Variants in MANBAL observed in about 807,000 individuals in gnomAD.
MANBAL encodes mannosidase beta like.
A neutral mutation model predicts 6.4 loss-of-function variants in MANBAL; 1 was observed. The ratio of observed to expected loss-of-function variants is 0.16; its 90% confidence interval spans 0.06 to 0.74. The LOEUF (loss-of-function observed/expected upper bound fraction) is 0.74. Ranked by LOEUF, MANBAL falls within the 30% of genes least tolerant of loss-of-function variation. The probability of loss-of-function intolerance (pLI) is 0.78; values close to 1 mark genes in which losing one functional copy is unlikely to be tolerated. For missense variants in MANBAL, 100 were observed against 107.8 expected, an observed-to-expected ratio of 0.93 and a Z score of 0.32; for synonymous variants, 47 against 45.8, an observed-to-expected ratio of 1.03 and a Z score of -0.10.
chr20:37,311,350 G>A (rs1365376641), intron 2 of MANBAL, among the ~76,000 whole-genome samples: 2 of 152,244 alleles, frequency 1.3e-5, no homozygotes, highest in African/African-American at 2.4e-5. Context: ...GGCCAAGACC[G>A]AGCAAGAGGC....
chr20:37,305,605 T>C (rs1037680609), intron 2 of MANBAL, among the ~76,000 whole-genome samples: 4 of 152,332 alleles, frequency 2.6e-5, no homozygotes, highest in Non-Finnish European at 5.9e-5. Flanking sequence ...TCTCTCATTT[T>C]TATTAATCTT....
At chr20:37,306,084 G>A (rs556920241) in intron 2 of MANBAL, among the ~76,000 whole-genome samples, 1 of 152,190 alleles carries the variant, frequency 6.6e-6, no homozygotes, top group Admixed American at 6.5e-5. Flanking sequence ...GGGCAGTTGG[G>A]AGATACCTGG....
rs2069523183 is a variant in MANBAL at position 37,316,481 on chromosome 20, A to G, written c.*66A>G. ...TTGGGGACAGCCCTCCTGGGAATCT[A>G]CATTGTGTTCCCCCGCATTCCAGGC... On this transcript the variant is annotated 3_prime_UTR_variant, in exon 3 of 3. Coordinates refer to ENST00000373606, the MANE Select transcript of MANBAL (RefSeq NM_001003897.2). 7.1e-7 allele frequency: 1 copy of G among 1,408,774 alleles called. No homozygotes were observed. The highest frequency in any genetic ancestry group is 1.2e-5 in the South Asian group (1 of 82,448). 87.3% of individuals were successfully genotyped at this position (1,408,774 alleles called of 1,614,324 possible).
chr20:37,304,629 A>T (rs1039110668), intron 2 of MANBAL, among the ~76,000 whole-genome samples: 1 of 152,196 alleles, frequency 6.6e-6, no homozygotes, highest in Non-Finnish European at 1.5e-5. Flanking sequence ...TATATCTTGG[A>T]TATCACTGTT....
Position 37,301,244 on chromosome 20 carries a change from G to A in MANBAL, c.-20G>A, listed in dbSNP as rs771132881. The A allele has an allele frequency of 6.3e-7, 1 of 1,575,794 alleles. No homozygotes were observed. Among genetic ancestry groups the A allele is most frequent in the Non-Finnish European group, 8.6e-7 (1 of 1,158,010 alleles). On this transcript the variant is annotated 5_prime_UTR_variant, in exon 2 of 3. Coordinates refer to ENST00000373606, the MANE Select transcript of MANBAL (RefSeq NM_001003897.2). ...GAGTGGTGAGTCAGAAGAGACGTCA[G>A]GCAGCAAGCGACTTGGGCCATGGCC...
chr20:37,298,137 G>A (rs1044879850), intron 1 of MANBAL, among the ~76,000 whole-genome samples: 1 of 152,172 alleles, frequency 6.6e-6, no homozygotes, highest in Non-Finnish European at 1.5e-5. Flanking sequence ...AGTGAGTTAT[G>A]TTTGTGCCAT....
In MANBAL at chr20:37,301,239, C is replaced by T. The variant is rs1330999324; in HGVS notation, c.-25C>T. 3.2e-6 allele frequency: 5 copies of T among 1,563,716 alleles called. No individual in the cohort carries two copies. The highest frequency in any genetic ancestry group is 4.3e-6 in the Non-Finnish European group (5 of 1,150,974). On this transcript the variant is annotated 5_prime_UTR_variant, in exon 2 of 3. The change creates a new upstream start codon in the 5' untranslated region. Coordinates refer to ENST00000373606, the MANE Select transcript of MANBAL (RefSeq NM_001003897.2). ...CTAAAGAGTGGTGAGTCAGAAGAGACGTCAGGCAGCAAGCGACTTGGGCCA... is the reference window on the plus strand; with the variant it reads ...CTAAAGAGTGGTGAGTCAGAAGAGATGTCAGGCAGCAAGCGACTTGGGCCA...
chr20:37,298,454 A>G (rs1297459637), intron 1 of MANBAL, among the ~76,000 whole-genome samples: 1 of 152,056 alleles, frequency 6.6e-6, no homozygotes, highest in African/African-American at 2.4e-5. Context: ...GAATTTGCCT[A>G]TTCCAGGTAC....
intron 1 of MANBAL, among the ~76,000 whole-genome samples, chr20:37,292,834 A>G (rs1429165141): frequency 6.6e-6 from 1 of 152,202 alleles, no homozygotes; most frequent in Non-Finnish European, 1.5e-5. Context: ...TCCTAGAATT[A>G]GCCATTTCCC....
chr20:37,297,374 G>C (rs1448013039), intron 1 of MANBAL: 1 of 152,148 alleles, frequency 6.6e-6, no homozygotes, highest in African/African-American at 2.4e-5. Flanking sequence ...GGAGGATGAA[G>C]ATCTGCCAGC....
chr20:37,306,031 C>A (rs774529125), intron 2 of MANBAL, among the ~76,000 whole-genome samples: 1 of 151,904 alleles, frequency 6.6e-6, no homozygotes, highest in Non-Finnish European at 1.5e-5. Flanking sequence ...AGAAAGGGAG[C>A]CCATGGGAGT....
At chr20:37,304,282 A>T (rs893208508) in intron 2 of MANBAL, among the ~76,000 whole-genome samples, 17 of 152,182 alleles carry the variant, frequency 1.1e-4, no homozygotes, top group African/African-American at 4.1e-4. Flanking sequence ...AGAGATTTTT[A>T]AAATTTTGAT....
intron 2 of MANBAL, among the ~76,000 whole-genome samples, chr20:37,312,071 C>T (rs935530971): frequency 1.3e-5 from 2 of 152,040 alleles, no homozygotes; most frequent in Non-Finnish European, 2.9e-5. Flanking sequence ...GGGTGCGTGA[C>T]GGCTCTAAAA....
intron 2 of MANBAL, among the ~76,000 whole-genome samples, chr20:37,309,947 A>G (rs1407547209): frequency 6.6e-6 from 1 of 152,074 alleles, no homozygotes; most frequent in Admixed American, 6.5e-5. Context: ...GCTGTTTTTT[A>G]CTTAATGACC....
chr20:37,303,258 T>C lies in MANBAL; in HGVS notation c.150+1845T>C, dbSNP rs993793354. ...CTGCCCCAGTCTTGGAATCAGTCATTTCTCTAAAATGCTCTGGTTCTTTTT... is the reference window on the plus strand; with the variant it reads ...CTGCCCCAGTCTTGGAATCAGTCATCTCTCTAAAATGCTCTGGTTCTTTTT... On this transcript the variant is annotated intron_variant, in intron 2 of 2. Coordinates refer to ENST00000373606, the MANE Select transcript of MANBAL (RefSeq NM_001003897.2). 2.6e-5 allele frequency among the ~76,000 whole-genome samples: 4 copies of C among 152,212 alleles called. No homozygotes were observed. In the East Asian group the frequency reaches 7.7e-4, roughly 29 times the overall value.
At chr20:37,299,467 G>A (rs6104476) in intron 1 of MANBAL, among the ~76,000 whole-genome samples, 1,747 of 152,292 alleles carry the variant, frequency 0.011, 40 homozygotes, top group African/African-American at 0.04. Context: ...TGTGTAATTA[G>A]CATCTCAATT....
chr20:37,306,296 A>G (rs765816532), intron 2 of MANBAL, among the ~76,000 whole-genome samples: 1 of 152,228 alleles, frequency 6.6e-6, no homozygotes, highest in Non-Finnish European at 1.5e-5. Context: ...TTGAAAAGCA[A>G]AAGAATGTTT....
intron 1 of MANBAL, among the ~76,000 whole-genome samples, chr20:37,299,794 C>T (rs1327659080): frequency 6.6e-6 from 1 of 152,194 alleles, no homozygotes; most frequent in Non-Finnish European, 1.5e-5. Context: ...CTTTGTCAAG[C>T]AGTCACAGTG....
chr20:37,306,851 C>T (rs1827503048), intron 2 of MANBAL, among the ~76,000 whole-genome samples: 1 of 152,194 alleles, frequency 6.6e-6, no homozygotes, highest in Non-Finnish European at 1.5e-5. Context: ...CTTGGACTGG[C>T]CAATGATTCT....
Sources: gnomAD v4.1 joint callset for allele counts (sites outside exome capture counted in the v4.1 genomes callset) on GRCh38, gnomAD v4.1.1 for gene constraint, MANE v1.5 for transcripts, NCBI Gene and HGNC (gene_info 2026-07-23, HGNC 2026-07-21) for gene names.